Variants in SBNO1 observed in about 807,000 individuals in gnomAD.
SBNO1 encodes strawberry notch homolog 1, also known as protein strawberry notch homolog 1.
SBNO1 carries 23 observed loss-of-function variants against 173.6 expected under a neutral mutation model. The observed-to-expected ratio is 0.13, with a 90% CI of 0.10 to 0.19. SBNO1 has a LOEUF of 0.19. Ranked by LOEUF, SBNO1 falls within the 10% of genes least tolerant of loss-of-function variation. SBNO1 has a pLI of 1.00. For missense variants in SBNO1, 1,238 were observed against 1,671.2 expected, an observed-to-expected ratio of 0.74 and a Z score of 4.52; for synonymous variants, 632 against 571.5, an observed-to-expected ratio of 1.11 and a Z score of -1.51.
intron 5 of SBNO1, among the ~76,000 whole-genome samples, chr12:123,338,639 T>C (rs1202412897): frequency 6.6e-6 from 1 of 152,006 alleles, no homozygotes; most frequent in Admixed American, 6.6e-5. Context: ...GAGCCAAGAC[T>C]GCACCAATGC....
intron 5 of SBNO1, among the ~76,000 whole-genome samples, chr12:123,339,104 T>C (rs1244887717): frequency 6.6e-6 from 1 of 152,340 alleles, no homozygotes; most frequent in Non-Finnish European, 1.5e-5. Flanking sequence ...TTCCAAGTGC[T>C]GTTGGTAGAC....
At chr12:123,346,857 T>TACCTGAGG (rs1187911298) in intron 3 of SBNO1, among the ~76,000 whole-genome samples, 3 of 151,908 alleles carry the variant, frequency 2.0e-5, no homozygotes, top group Non-Finnish European at 4.4e-5. Context: ...ATGGGCACAT[T>TACCTGAGG]ACCTGAGGTC....
chr12:123,294,634 C>CAAAAAAAAAACAAAAAA lies in SBNO1; in HGVS notation c.*1273_*1274insTTTTTTGTTTTTTTTTT, dbSNP rs2048560137. The CAAAAAAAAAACAAAAAA allele has an allele frequency of 1.7e-5, 1 of 59,958 alleles. No individual in the cohort carries two copies. The highest frequency in any genetic ancestry group is 2.7e-5 in the Non-Finnish European group (1 of 36,860). The allele number at this position is 59,958 out of a possible 1,614,324, so 3.7% of individuals were successfully genotyped here. A position where few individuals can be genotyped will look rare whatever the true frequency, so the allele number is the denominator to read the frequency against. ...TTTTCAATAGTGCAACCTGTGGAAG[C>CAAAAAAAAAACAAAAAA]AAAAAAAAAAAAAAAAAAAAAAAAA... On this transcript the variant is annotated 3_prime_UTR_variant, in exon 32 of 32. Transcript: ENST00000602398.
At chr12:123,318,257 T>C (rs1464085754) in intron 20 of SBNO1, among the ~76,000 whole-genome samples, 1 of 152,184 alleles carries the variant, frequency 6.6e-6, no homozygotes, top group Non-Finnish European at 1.5e-5. Flanking sequence ...CTGGCAAACA[T>C]GACGAAACCT....
intron 25 of SBNO1, 147 bp downstream of exon 25, chr12:123,310,908 G>C: frequency 1.6e-6 from 1 of 615,532 alleles, no homozygotes. Flanking sequence ...TCTATGCATG[G>C]ATCTTTTACA....
intron 20 of SBNO1, among the ~76,000 whole-genome samples, chr12:123,317,691 C>T (rs979759986): frequency 1.3e-5 from 2 of 152,054 alleles, no homozygotes; most frequent in Non-Finnish European, 2.9e-5. Context: ...GAAATGGAGG[C>T]CCACATAATT....
chr12:123,319,839 A>C, intron 20 of SBNO1, 61 bp downstream of exon 20: 1 of 1,474,190 alleles, frequency 6.8e-7, no homozygotes, highest in Non-Finnish European at 9.4e-7. Context: ...ACTCTTCTAA[A>C]GCTTAATCTA....
In SBNO1 at chr12:123,311,279, C is replaced by T. The variant is rs7957082; in HGVS notation, c.3221-150G>A. On this transcript the variant is annotated intron_variant, in intron 24 of 31. Transcript: ENST00000602398. ...AAACATGGAGAAAATGTGGAGAGAA[C>T]TGCCCTTGTTCACTCTGTCATCTGT... The T allele has an allele frequency of 4.3e-4, 271 of 636,990 alleles. 1 individual carries two copies. In the African/African-American group the frequency reaches 4.4e-3, roughly 10 times the overall value. The allele number at this position is 636,990 out of a possible 1,614,324, so 39.5% of individuals were successfully genotyped here. A position where few individuals can be genotyped will look rare whatever the true frequency, so the allele number is the denominator to read the frequency against.
chr12:123,295,712 A>C lies in SBNO1; in HGVS notation c.*196T>G. 1 of 623,914 alleles carries C rather than the reference A, an allele frequency of 1.6e-6. No homozygotes were observed. Among genetic ancestry groups the C allele is most frequent in the Admixed American group, 2.5e-5 (1 of 40,536 alleles). 38.6% of individuals were successfully genotyped at this position (623,914 alleles called of 1,614,324 possible). ...TATCAGGGGAGAAGCTAAAGGAAAGACATATGTACCACCATCAGCACTGCT... is the reference window on the plus strand; with the variant it reads ...TATCAGGGGAGAAGCTAAAGGAAAGCCATATGTACCACCATCAGCACTGCT... On this transcript the variant is annotated 3_prime_UTR_variant, in exon 32 of 32. Transcript: ENST00000602398.
At chr12:123,326,835 G>A (rs1368940524) in intron 13 of SBNO1, among the ~76,000 whole-genome samples, 22 of 152,086 alleles carry the variant, frequency 1.4e-4, no homozygotes, top group Admixed American at 1.4e-3. Context: ...GCAGAGTCTG[G>A]AGGACTCCTT....
chr12:123,350,366 T>C lies in SBNO1; in HGVS notation c.76A>G (p.Ile26Val), dbSNP rs1566053357. 1.9e-6 allele frequency: 3 copies of C among 1,614,052 alleles called. No homozygotes were observed. Among genetic ancestry groups the C allele is most frequent in the East Asian group, 2.2e-5 (1 of 44,890 alleles). Residue 26 changes from isoleucine to valine, a missense_variant, in exon 2 of 32, where the codon ATT becomes GTT. Physicochemically the swap from Ile to Val is conservative, Grantham distance 29 (BLOSUM62 3). Around this residue, in one of 14 missense-constraint regions of SBNO1, gnomAD observed 287 missense variants for 274.1 expected, o/e 1.05. Coordinates refer to ENST00000602398, the MANE Select transcript of SBNO1 (RefSeq NM_001167856.3). ...GCAAGCCCTGCATCTCCACCATCAA[T>C]ATCAAAGAGGTCATTCGGACTAATT... ...SGISPNDLFD[I>V]DGGDAGLATP...
rs895782375 is a variant in SBNO1 at position 123,364,816 on chromosome 12, G to A, written c.-116C>T. 3 of 979,486 alleles carry A rather than the reference G, an allele frequency of 3.1e-6. No homozygotes were observed. The highest frequency in any genetic ancestry group is 1.2e-4 in the Admixed American group (2 of 16,228). 60.7% of individuals were successfully genotyped at this position (979,486 alleles called of 1,614,324 possible). ...GGCGGCAGCAGCGGCGTCCTGCTCTGCCTACCTCCCCGCCGCCATCTTGAC... is the reference window on the plus strand; with the variant it reads ...GGCGGCAGCAGCGGCGTCCTGCTCTACCTACCTCCCCGCCGCCATCTTGAC... On this transcript the variant is annotated 5_prime_UTR_variant, in exon 1 of 32. Coordinates refer to ENST00000602398, the MANE Select transcript of SBNO1 (RefSeq NM_001167856.3).
At chr12:123,304,507 A>G (rs1407259159) in intron 29 of SBNO1, 75 bp downstream of exon 29, 1 of 1,160,876 alleles carries the variant, frequency 8.6e-7, no homozygotes, top group East Asian at 2.6e-5. Flanking sequence ...AAGTGCTGAG[A>G]TTACAGGTGT....
Position 123,323,905 on chromosome 12 carries a change from T to C in SBNO1, c.1974-74A>G, listed in dbSNP as rs577920266. On this transcript the variant is annotated intron_variant, in intron 15 of 31. Coordinates refer to ENST00000602398, the MANE Select transcript of SBNO1 (RefSeq NM_001167856.3). ...TATATGTAAAGTATTATTAAATATATTGAAATATACTTTGTTCAGTTTTAC... is the reference window on the plus strand; with the variant it reads ...TATATGTAAAGTATTATTAAATATACTGAAATATACTTTGTTCAGTTTTAC... 1.4e-5 allele frequency: 16 copies of C among 1,137,822 alleles called. No individual in the cohort carries two copies. The Admixed American group carries it at 2.5e-4, about 18-fold the overall frequency. 70.5% of individuals were successfully genotyped at this position (1,137,822 alleles called of 1,614,324 possible). A position where few individuals can be genotyped will look rare whatever the true frequency, so the allele number is the denominator to read the frequency against.
intron 3 of SBNO1, 79 bp downstream of exon 3, chr12:123,347,949 GA>G (rs1566051644): frequency 1.6e-5 from 13 of 814,798 alleles, no homozygotes; most frequent in Non-Finnish European, 2.4e-5. Context: ...CTACAGGTGC[GA>G]ATCACCACAC....
chr12:123,343,722 G>A (rs1174787337), intron 4 of SBNO1, among the ~76,000 whole-genome samples: 1 of 151,968 alleles, frequency 6.6e-6, no homozygotes, highest in Non-Finnish European at 1.5e-5. Flanking sequence ...ATTTTTAGTA[G>A]AGGTGGAGTT....
At chr12:123,321,363 CAT>C (rs1170232385) in intron 17 of SBNO1, among the ~76,000 whole-genome samples, 170 bp downstream of exon 17, 6 of 152,162 alleles carry the variant, frequency 3.9e-5, no homozygotes, top group East Asian at 1.9e-4. Flanking sequence ...TATCTTCTCA[CAT>C]ATATGAGGCT....
In SBNO1 at chr12:123,296,031, A is replaced by T. The variant is rs751806493; in HGVS notation, c.4059T>A (p.Asn1353Lys). The T allele has an allele frequency of 6.2e-7, 1 of 1,613,432 alleles. No homozygotes were observed. The highest frequency in any genetic ancestry group is 8.5e-7 in the Non-Finnish European group (1 of 1,179,342). The change falls in exon 32 of 32, where the codon AAT becomes AAA. Residue 1353 changes from asparagine to lysine, a missense_variant. By Grantham distance (94) the Asn-to-Lys change is moderately conservative. This residue lies in a region of SBNO1 where 351 missense variants were observed against 420.3 expected (regional missense o/e 0.84). Transcript: ENST00000602398. ...GGAGATTTACAAGAGGAGACACACA[A>T]TTTGCCGGAATGATCAAACCTGTAA... ...QRIVGLIIPANCVSPLVNLLS... is the reference protein window; with the variant it reads ...QRIVGLIIPAKCVSPLVNLLS...
intron 1 of SBNO1, among the ~76,000 whole-genome samples, chr12:123,358,053 G>T (rs1874666964): frequency 1.3e-5 from 2 of 152,184 alleles, no homozygotes; most frequent in African/African-American, 4.8e-5. Flanking sequence ...GGAACCAGAA[G>T]TGACTCAGGG....
Sources: allele counts gnomAD v4.1 joint callset (sites outside exome capture counted in the v4.1 genomes callset), GRCh38; gene constraint gnomAD v4.1.1; regional missense constraint gnomAD v4.1.1; transcripts MANE v1.5; gene names NCBI Gene and HGNC (gene_info 2026-07-23, HGNC 2026-07-21).